RNASEH2B: variants seen among roughly 807,000 people sequenced by gnomAD.
RNASEH2B encodes ribonuclease H2 subunit B.
RNASEH2B carries 36 observed loss-of-function variants against 45.0 expected under a neutral mutation model. That is an observed-to-expected ratio of 0.80 (90% CI 0.61 to 1.06). The LOEUF (loss-of-function observed/expected upper bound fraction) is 1.06, where lower values mean the gene tolerates loss of function less well. Among genes scored for constraint, RNASEH2B ranks in the 50% least tolerant of loss-of-function variants. The probability of loss-of-function intolerance (pLI) is 0.00; values close to 1 mark genes in which losing one functional copy is unlikely to be tolerated. For synonymous variants in RNASEH2B, 119 were observed against 125.7 expected (o/e 0.95, Z 0.35); for missense variants, 361 against 360.3 (o/e 1.00, Z -0.02).
rs1367411618 is a variant in RNASEH2B, at chr13:50,909,873, C to A, written c.-204C>A. The A allele has an allele frequency of 1.6e-5, 7 of 441,660 alleles. No individual in the cohort carries two copies. Among genetic ancestry groups the A allele is most frequent in the African/African-American group, 6.2e-5 (3 of 48,350 alleles). The allele number at this position is 441,660 out of a possible 1,614,324, so 27.4% of individuals were successfully genotyped here. ...CCGGCATTCAGAGCCCCTCGCCTGG[C>A]GCTAAATTTAAAAACGTAACACGAG... On this transcript the variant is annotated 5_prime_UTR_variant, in exon 1 of 11. Transcript: ENST00000336617.
At chr13:50,966,593 T>G (rs968136959) in intron 9 of RNASEH2B, among the ~76,000 whole-genome samples, 4 of 152,160 alleles carry the variant, frequency 2.6e-5, no homozygotes, top group African/African-American at 7.2e-5. Flanking sequence ...AAATTTACCT[T>G]GTAGTCTCAG....
chr13:50,959,836 T>G (rs1952093261), downstream of RNASEH2B: 1 of 191,600 alleles, frequency 5.2e-6, no homozygotes, highest in South Asian at 1.9e-4. Context: ...AAGCTGTAAT[T>G]TAATTATTTT....
At chr13:50,966,149 G>C (rs1952162684) in intron 9 of RNASEH2B, among the ~76,000 whole-genome samples, 1 of 152,078 alleles carries the variant, frequency 6.6e-6, no homozygotes, top group African/African-American at 2.4e-5. Flanking sequence ...AAATCCATGT[G>C]GGTTTATAGT....
intron 9 of RNASEH2B, among the ~76,000 whole-genome samples, chr13:50,967,288 T>C (rs1210507021): frequency 6.6e-6 from 1 of 152,232 alleles, no homozygotes; most frequent in Non-Finnish European, 1.5e-5. Context: ...AAAATGCTCA[T>C]ACTGGGTTTT....
chr13:50,936,198 A>G (rs1479722747), intron 5 of RNASEH2B: 1 of 152,210 alleles, frequency 6.6e-6, no homozygotes, highest in Admixed American at 6.5e-5. Context: ...GTGTGTGTGA[A>G]TGTGTTTTGA....
Position 50,929,475 on chromosome 13 carries a change from GAGA to G in RNASEH2B, c.140_142del (p.Glu47del). ...ATAAAAGACAGATTTGTCTTAACAGGAGAAGGAGCCATTTACTTGTTCAATATG... is the reference window on the plus strand; with the variant it reads ...ATAAAAGACAGATTTGTCTTAACAGGAGGAGCCATTTACTTGTTCAATATG... On this transcript the variant is annotated inframe_deletion and splice_region_variant, in exon 3 of 11. Transcript: ENST00000336617. The G allele has an allele frequency of 6.2e-7, 1 of 1,606,140 alleles. No homozygotes were observed. Among genetic ancestry groups the G allele is most frequent in the Non-Finnish European group, 8.5e-7 (1 of 1,172,910 alleles).
chr13:50,925,822 G>A (rs1566078328), intron 1 of RNASEH2B, among the ~76,000 whole-genome samples: 1 of 152,086 alleles, frequency 6.6e-6, no homozygotes, highest in Non-Finnish European at 1.5e-5. Flanking sequence ...CCTTTCCTGT[G>A]TGCTGACCTG....
chr13:50,931,923 G>T (rs1476124160), intron 4 of RNASEH2B, among the ~76,000 whole-genome samples: 1 of 150,122 alleles, frequency 6.7e-6, no homozygotes, highest in East Asian at 2.0e-4. Flanking sequence ...GCTGAGTTAT[G>T]CATATCTTCC....
At chr13:50,923,527 T>C (rs1257341287) in intron 1 of RNASEH2B, among the ~76,000 whole-genome samples, 2 of 152,148 alleles carry the variant, frequency 1.3e-5, no homozygotes, top group African/African-American at 4.8e-5. Flanking sequence ...GGATGACATA[T>C]TTAAGGTGCT....
intron 1 of RNASEH2B, among the ~76,000 whole-genome samples, chr13:50,918,041 G>A (rs1879840805): frequency 6.6e-6 from 1 of 152,184 alleles, no homozygotes; most frequent in African/African-American, 2.4e-5. Flanking sequence ...TGCACAGGCT[G>A]TTCCTAGAAA....
chr13:50,931,064 T>A (rs991246362), intron 4 of RNASEH2B, among the ~76,000 whole-genome samples: 1 of 152,288 alleles, frequency 6.6e-6, no homozygotes, highest in African/African-American at 2.4e-5. Flanking sequence ...CCTTTATCAT[T>A]AAGTATTCCT....
chr13:50,926,063 G>T (rs1338823914), intron 1 of RNASEH2B, among the ~76,000 whole-genome samples: 2 of 151,740 alleles, frequency 1.3e-5, no homozygotes, highest in African/African-American at 4.9e-5. Context: ...CATATATTTT[G>T]TCTGGTGTTT....
At position 50,930,746 on chromosome 13, in the gene RNASEH2B, A is replaced by G. The variant is rs767086382; in HGVS notation, c.308A>G (p.Lys103Arg). Residue 103 changes from lysine (K) to arginine (R), a missense_variant, in exon 4 of 11, where the codon AAG becomes AGG. Coordinates refer to ENST00000336617, the MANE Select transcript of RNASEH2B (RefSeq NM_024570.4). ...TTTCTGCTTCTCCACTACCTCATAA[A>G]GGCTGATAAGGAGGTGAGTTTCCAG... ...PLFLLLHYLI[K>R]ADKEGKFQPL... 14 of 1,613,116 alleles carry G rather than the reference A, an allele frequency of 8.7e-6. No individual in the cohort carries two copies. The East Asian group carries it at 2.7e-4, about 31-fold the overall frequency.
chr13:50,915,961 T>C (rs1406785337), intron 1 of RNASEH2B, among the ~76,000 whole-genome samples: 2 of 152,186 alleles, frequency 1.3e-5, no homozygotes, highest in Non-Finnish European at 2.9e-5. Flanking sequence ...TTATTGTTGT[T>C]GCCTTTTAAC....
At chr13:50,935,545 G>A (rs886234402) in intron 5 of RNASEH2B, 2 of 158,098 alleles carry the variant, frequency 1.3e-5, no homozygotes, top group African/African-American at 4.8e-5. Context: ...CACAGGACAG[G>A]TTTCTAATCT....
intron 2 of RNASEH2B, among the ~76,000 whole-genome samples, chr13:50,927,903 G>A (rs189604824): frequency 1.6e-4 from 24 of 151,220 alleles, no homozygotes; most frequent in Admixed American, 4.6e-4. Context: ...TACTTGACAT[G>A]CCAAGATTTT....
At chr13:50,914,018 G>A (rs1016867232) in intron 1 of RNASEH2B, among the ~76,000 whole-genome samples, 2 of 146,506 alleles carry the variant, frequency 1.4e-5, no homozygotes, top group Non-Finnish European at 1.5e-5. Flanking sequence ...TTATATTAAT[G>A]TTATTTCTGA....
intron 9 of RNASEH2B, chr13:50,951,086 T>C (rs1264454651): frequency 6.6e-6 from 1 of 152,234 alleles, no homozygotes. Context: ...ATTTGGCCCC[T>C]GGGCCATCAT....
intron 8 of RNASEH2B, 54 bp downstream of exon 8, chr13:50,948,122 C>T (rs1951929269): frequency 6.2e-7 from 1 of 1,602,624 alleles, no homozygotes; most frequent in East Asian, 2.2e-5. Context: ...TCTTGGTTTC[C>T]CCAGCAGTGG....
Sources: allele counts gnomAD v4.1 joint callset (sites outside exome capture counted in the v4.1 genomes callset), GRCh38; gene constraint gnomAD v4.1.1; transcripts MANE v1.5; gene names NCBI Gene and HGNC (gene_info 2026-07-23, HGNC 2026-07-21).